The following NTN1 variants were observed in gnomAD, a reference collection of about 807,000 sequenced individuals.
NTN1 encodes the protein netrin-1.
In NTN1, 11 loss-of-function variants were observed where a neutral mutation model predicts 54.2. The observed-to-expected ratio is 0.20, with a 90% CI of 0.13 to 0.34. The LOEUF (loss-of-function observed/expected upper bound fraction) is 0.34. NTN1 is among the 10% of genes least tolerant of loss of function. The pLI is 1.00. For missense variants in NTN1, 740 were observed against 893.1 expected, an observed-to-expected ratio of 0.83 and a Z score of 2.18; for synonymous variants, 371 against 382.0, an observed-to-expected ratio of 0.97 and a Z score of 0.33.
the NTN1 span, among the ~76,000 whole-genome samples, chr17:9,014,587 A>G: frequency 6.6e-6 from 1 of 152,200 alleles, no homozygotes; most frequent in Non-Finnish European, 1.5e-5. Context: ...AGGCCTGTCC[A>G]AGTCAAGTTC....
chr17:9,155,952 T>C (rs1017032415), intron 2 of NTN1, among the ~76,000 whole-genome samples: 3 of 152,132 alleles, frequency 2.0e-5, no homozygotes, highest in Non-Finnish European at 2.9e-5. Context: ...TTGCCACCGG[T>C]TGAGAACACT....
chr17:9,075,826 G>T (rs1209448236), intron 2 of NTN1, among the ~76,000 whole-genome samples: 1 of 152,000 alleles, frequency 6.6e-6, no homozygotes, highest in Non-Finnish European at 1.5e-5. Context: ...GTTTCCCCAG[G>T]GGGAAAATAC....
At chr17:9,096,807 C>G (rs1454139626) in intron 2 of NTN1, among the ~76,000 whole-genome samples, 1 of 152,192 alleles carries the variant, frequency 6.6e-6, no homozygotes, top group Non-Finnish European at 1.5e-5. Context: ...GCGTCTTTGT[C>G]TTAATTCTGA....
intron 3 of NTN1, among the ~76,000 whole-genome samples, chr17:9,167,420 A>G (rs988543170): frequency 6.6e-6 from 1 of 152,202 alleles, no homozygotes; most frequent in Non-Finnish European, 1.5e-5. Flanking sequence ...TCTGTGATGG[A>G]TAAAGACATT....
rs79795728 is a variant in NTN1 at position 9,049,295 on chromosome 17, G to T, written c.1018+25904G>T. On this transcript the variant is annotated intron_variant, in intron 2 of 6. Coordinates refer to ENST00000173229, the MANE Select transcript of NTN1 (RefSeq NM_004822.3). ...ATAATGCTAGTTAGAGTACCTTCCC[G>T]CAACCACAGAAGGAAAAAGAATAAC... Among the ~76,000 whole-genome samples the T allele has an allele frequency of 7.0e-3, 1,070 of 152,236 alleles. 5 individuals carry two copies. The highest frequency in any genetic ancestry group is 0.012 in the Non-Finnish European group (809 of 68,012).
At chr17:9,018,808 C>T (rs545981110), upstream of NTN1, among the ~76,000 whole-genome samples, 7 of 152,150 alleles carry the variant, frequency 4.6e-5, no homozygotes, top group South Asian at 1.0e-3. Flanking sequence ...GGTTTTGATG[C>T]GATGCCATCA....
At chr17:9,218,369 C>T (rs143027040) in intron 5 of NTN1, among the ~76,000 whole-genome samples, 6 of 152,310 alleles carry the variant, frequency 3.9e-5, no homozygotes, top group African/African-American at 1.4e-4. Flanking sequence ...ACCGTGAGAA[C>T]AGTGCCCAGC....
At chr17:9,005,079 C>G in the NTN1 span, among the ~76,000 whole-genome samples, 75 of 152,270 alleles carry the variant, frequency 4.9e-4, no homozygotes, top group East Asian at 0.012. Flanking sequence ...AGGCACCGCT[C>G]CCACCACTGA....
chr17:9,023,518 C>A (rs1057388997), intron 2 of NTN1, 127 bp downstream of exon 2: 12 of 1,169,776 alleles, frequency 1.0e-5, no homozygotes, highest in Non-Finnish European at 1.3e-5. Flanking sequence ...CGCCGATGCC[C>A]GGGACCCGGG....
chr17:9,055,903 T>A (rs1011360943), intron 2 of NTN1, among the ~76,000 whole-genome samples: 2 of 150,092 alleles, frequency 1.3e-5, no homozygotes, highest in African/African-American at 4.9e-5. Context: ...TATTTTTTGT[T>A]TTTTTGTTTT....
rs573728220 is a variant in NTN1 at position 9,142,301 on chromosome 17, A to G, written c.1019-20512A>G. 3.3e-5 allele frequency among the ~76,000 whole-genome samples: 5 copies of G among 150,814 alleles called. No individual in the cohort carries two copies. In the East Asian group the frequency reaches 9.7e-4, roughly 29 times the overall value. On this transcript the variant is annotated intron_variant, in intron 2 of 6. Coordinates refer to ENST00000173229, the MANE Select transcript of NTN1 (RefSeq NM_004822.3). ...AAGATTTCATCTCAAAAAGAAAAAA[A>G]AAAAAAGAAAAAAACCAAACAGTTG...
At chr17:9,115,555 A>C (rs947422316) in intron 2 of NTN1, among the ~76,000 whole-genome samples, 3 of 152,138 alleles carry the variant, frequency 2.0e-5, no homozygotes, top group Non-Finnish European at 2.9e-5. Flanking sequence ...AATGCTCTAA[A>C]CCCTCCCACT....
chr17:9,198,936 C>G (rs1904709170), intron 5 of NTN1, among the ~76,000 whole-genome samples: 1 of 152,180 alleles, frequency 6.6e-6, no homozygotes, highest in Non-Finnish European at 1.5e-5. Context: ...TTCCTGGTAC[C>G]CACTACCAGC....
intron 2 of NTN1, among the ~76,000 whole-genome samples, chr17:9,118,479 T>C (rs913888705): frequency 4.6e-5 from 7 of 152,144 alleles, no homozygotes; most frequent in Non-Finnish European, 8.8e-5. Flanking sequence ...GCCATTGCAC[T>C]CCAGCCTGGA....
Position 9,135,126 on chromosome 17 carries a change from C to T in NTN1, c.1019-27687C>T, listed in dbSNP as rs1302412968. ...CCGGTAAGGCACATTGTCCCCCAGC[C>T]CCTGATGCTCCCGGCCCATCCTCCC... On this transcript the variant is annotated intron_variant, in intron 2 of 6. Coordinates refer to ENST00000173229, the MANE Select transcript of NTN1 (RefSeq NM_004822.3). This position sits in a 1 kb window ranked among gnomAD's most constrained non-coding sequence, Gnocchi z 4.4. Among the ~76,000 whole-genome samples the T allele has an allele frequency of 1.3e-5, 2 of 152,146 alleles. No homozygotes were observed. The highest frequency in any genetic ancestry group is 3.8e-4 in the East Asian group (2 of 5,198).
chr17:9,006,603 C>T, the NTN1 span, among the ~76,000 whole-genome samples: 3,131 of 152,238 alleles, frequency 0.021, 37 homozygotes, highest in Middle Eastern at 0.048. Context: ...GCCAACATGA[C>T]GTGCAACATG....
At chr17:9,192,969 A>G (rs972352996) in intron 5 of NTN1, among the ~76,000 whole-genome samples, 9 of 151,850 alleles carry the variant, frequency 5.9e-5, no homozygotes, top group Admixed American at 3.3e-4. Context: ...AGTCCCAGCT[A>G]CGCAGGAGGC....
Position 9,022,436 on chromosome 17 carries a change from G to A in NTN1, c.63G>A (p.Ala21=), listed in dbSNP as rs577394861. 6 of 1,376,608 alleles carry A rather than the reference G, an allele frequency of 4.4e-6. No homozygotes were observed. In the African/African-American group the frequency reaches 9.1e-5, roughly 21 times the overall value. The allele number at this position is 1,376,608 out of a possible 1,614,324, so 85.3% of individuals were successfully genotyped here. A position where few individuals can be genotyped will look rare whatever the true frequency, so the allele number is the denominator to read the frequency against. Residue 21 remains alanine, a synonymous_variant, in exon 2 of 7, where the codon GCG becomes GCA. Transcript: ENST00000173229. ...ALAAVACLVG[A]VRGGPGLSMF... is the part of the protein sequence containing the mutation. ...CGGCGGTGGCGTGCCTGGTGGGCGC[G>A]GTGCGCGGCGGGCCCGGGCTCAGCA...
intron 6 of NTN1, among the ~76,000 whole-genome samples, chr17:9,228,851 T>TGTGTGTGTGA (rs1351179994): frequency 6.7e-5 from 7 of 104,704 alleles, no homozygotes; most frequent in African/African-American, 2.2e-4. Context: ...TGTGTGTGTG[T>TGTGTGTGTGA]GACTGTGTAT....
Sources: allele counts gnomAD v4.1 joint callset (sites outside exome capture counted in the v4.1 genomes callset), GRCh38; gene constraint gnomAD v4.1.1; non-coding constraint Gnocchi (gnomAD v3.1); transcripts MANE v1.5; gene names NCBI Gene and HGNC (gene_info 2026-07-23, HGNC 2026-07-21).